The following CCDC91 variants were observed in gnomAD, a reference collection of about 807,000 sequenced individuals.
CCDC91 encodes the protein coiled-coil domain-containing protein 91.
In CCDC91, 48 loss-of-function variants were observed where a neutral mutation model predicts 63.2. The observed-to-expected ratio is 0.76, with a 90% CI of 0.60 to 0.97. The LOEUF is 0.97. CCDC91 is among the 50% of genes least tolerant of loss of function. The pLI is 0.00. For missense variants in CCDC91, 500 were observed against 494.6 expected, an observed-to-expected ratio of 1.01 and a Z score of -0.10; for synonymous variants, 167 against 165.8, an observed-to-expected ratio of 1.01 and a Z score of -0.06.
chr12:28,257,084 G>T (rs765261582), intron 1 of CCDC91, 118 bp from the exon 2 acceptor site: 41 of 592,706 alleles, frequency 6.9e-5, no homozygotes, highest in Non-Finnish European at 1.2e-4. Context: ...CATAAAAAAT[G>T]CATAGACAGT....
intron 1 of CCDC91, among the ~76,000 whole-genome samples, chr12:28,237,323 A>T (rs2135907768): frequency 6.6e-6 from 1 of 152,074 alleles, no homozygotes; most frequent in South Asian, 2.1e-4. Context: ...ATTAGGTCTT[A>T]GGAACCTGTA....
chr12:28,288,881 G>T (rs1352781988), intron 3 of CCDC91, among the ~76,000 whole-genome samples: 1 of 152,070 alleles, frequency 6.6e-6, no homozygotes, highest in African/African-American at 2.4e-5. Context: ...ATCTGTTCAG[G>T]AATTTAATTT....
intron 11 of CCDC91, among the ~76,000 whole-genome samples, chr12:28,463,235 GCA>G (rs1179525914): frequency 2.0e-5 from 3 of 152,166 alleles, no homozygotes; most frequent in Non-Finnish European, 4.4e-5. Flanking sequence ...ATGGAAATGA[GCA>G]CAGTGTTTGG....
chr12:28,246,602 G>A (rs1404333107), intron 1 of CCDC91, among the ~76,000 whole-genome samples: 5 of 152,128 alleles, frequency 3.3e-5, no homozygotes, highest in Non-Finnish European at 7.4e-5. Context: ...AGTTGAGATT[G>A]ACATGATAGT....
At chr12:28,357,082 A>G (rs1375912850) in intron 6 of CCDC91, among the ~76,000 whole-genome samples, 1 of 152,216 alleles carries the variant, frequency 6.6e-6, no homozygotes, top group African/African-American at 2.4e-5. Flanking sequence ...GCTTTTTAAA[A>G]GAAAGCCTTG....
chr12:28,514,545 G>A lies in CCDC91; in HGVS notation c.1215+30380G>A, dbSNP rs113816104. Among the ~76,000 whole-genome samples the A allele has an allele frequency of 2.8e-3, 432 of 151,630 alleles. 2 individuals are homozygous for A. Among genetic ancestry groups the A allele is most frequent in the African/African-American group, 0.01 (420 of 41,372 alleles). ...GGTTGTAATTGCTTTTGGTGACTTC[G>A]TCATGAAATCTTTGTCCATTCGTAT... On this transcript the variant is annotated intron_variant, in intron 12 of 12. Transcript: ENST00000536442.
intron 12 of CCDC91, among the ~76,000 whole-genome samples, chr12:28,493,236 A>C (rs1464955288): frequency 1.3e-5 from 2 of 151,724 alleles, no homozygotes; most frequent in African/African-American, 4.8e-5. Flanking sequence ...CAAGATTTTA[A>C]CTTGGTTCTG....
At chr12:28,517,716 G>T (rs1940105579) in intron 12 of CCDC91, among the ~76,000 whole-genome samples, 1 of 151,808 alleles carries the variant, frequency 6.6e-6, no homozygotes, top group Admixed American at 6.6e-5. Flanking sequence ...TGATTTGTGA[G>T]ATTTTGGTGC....
At chr12:28,477,205 G>A (rs1471318729) in intron 11 of CCDC91, among the ~76,000 whole-genome samples, 1 of 152,110 alleles carries the variant, frequency 6.6e-6, no homozygotes, top group Non-Finnish European at 1.5e-5. Context: ...GATGAACATG[G>A]ATGCAAAAGT....
At chr12:28,302,012 C>G (rs1938126923) in intron 3 of CCDC91, among the ~76,000 whole-genome samples, 1 of 151,652 alleles carries the variant, frequency 6.6e-6, no homozygotes, top group South Asian at 2.1e-4. Context: ...TTTTTTCTTA[C>G]TAATCTACTT....
At chr12:28,286,559 G>T (rs1159490870) in intron 3 of CCDC91, among the ~76,000 whole-genome samples, 2 of 152,190 alleles carry the variant, frequency 1.3e-5, no homozygotes, top group Non-Finnish European at 2.9e-5. Context: ...TTTTATGGCT[G>T]CATAGTATTC....
At chr12:28,344,151 A>C (rs1346968778) in intron 6 of CCDC91, among the ~76,000 whole-genome samples, 1 of 152,126 alleles carries the variant, frequency 6.6e-6, no homozygotes, top group African/African-American at 2.4e-5. Context: ...TCAAAGTTAT[A>C]CTAAAGAGGT....
chr12:28,191,773 G>A (rs182312734), intron 1 of CCDC91, among the ~76,000 whole-genome samples: 36 of 152,262 alleles, frequency 2.4e-4, no homozygotes, highest in Non-Finnish European at 4.4e-4. Flanking sequence ...GAGGGGATTG[G>A]TTATACTGTC....
chr12:28,429,886 T>C (rs1948537591), intron 8 of CCDC91, among the ~76,000 whole-genome samples: 1 of 152,116 alleles, frequency 6.6e-6, no homozygotes, highest in African/African-American at 2.4e-5. Context: ...TCTCTTGTAG[T>C]CAATCTGTAA....
At chr12:28,494,890 A>G (rs1273522845) in intron 12 of CCDC91, among the ~76,000 whole-genome samples, 4 of 151,750 alleles carry the variant, frequency 2.6e-5, no homozygotes, top group Non-Finnish European at 5.9e-5. Flanking sequence ...GGTCTCTTAT[A>G]AATCACTTCC....
At chr12:28,199,381 A>G (rs1942034239) in intron 1 of CCDC91, among the ~76,000 whole-genome samples, 1 of 152,068 alleles carries the variant, frequency 6.6e-6, no homozygotes, top group African/African-American at 2.4e-5. Context: ...TTATTGTGTA[A>G]GTTACATCTT....
intron 1 of CCDC91, among the ~76,000 whole-genome samples, chr12:28,243,110 G>A (rs576133647): frequency 1.3e-5 from 2 of 152,140 alleles, no homozygotes; most frequent in Admixed American, 6.5e-5. Context: ...ATGTGAGAAC[G>A]GACTAATACA....
intron 11 of CCDC91, among the ~76,000 whole-genome samples, chr12:28,476,237 G>A (rs11049647): frequency 0.21 from 31,744 of 151,784 alleles, 4,348 homozygotes; most frequent in Non-Finnish European, 0.31. Context: ...AGCACTCCTC[G>A]GCAAATGCAA....
chr12:28,282,920 A>G (rs1948692876), intron 3 of CCDC91, among the ~76,000 whole-genome samples: 1 of 151,962 alleles, frequency 6.6e-6, no homozygotes, highest in African/African-American at 2.4e-5. Flanking sequence ...ATTCTTCTAC[A>G]TGTGGTTATC....
Sources: gnomAD v4.1 joint callset for allele counts (sites outside exome capture counted in the v4.1 genomes callset) on GRCh38, gnomAD v4.1.1 for gene constraint, MANE v1.5 for transcripts, NCBI Gene and HGNC (gene_info 2026-07-23, HGNC 2026-07-21) for gene names.